The following DDR2 variants were observed in gnomAD, a reference collection of about 807,000 sequenced individuals.
DDR2 encodes the protein discoidin domain-containing receptor 2.
In DDR2, 27 loss-of-function variants were observed where a neutral mutation model predicts 94.9. The ratio of observed to expected loss-of-function variants is 0.28; its 90% CI spans 0.21 to 0.39. The LOEUF is 0.39. DDR2 is among the 10% of genes least tolerant of loss of function. DDR2 has a pLI of 1.00. For missense variants in DDR2, 783 were observed against 1,076.0 expected, an observed-to-expected ratio of 0.73 and a Z score of 3.81; for synonymous variants, 382 against 377.2, an observed-to-expected ratio of 1.01 and a Z score of -0.15.
intron 1 of DDR2, among the ~76,000 whole-genome samples, chr1:162,640,283 G>GC (rs368420680): frequency 3.8e-4 from 58 of 152,138 alleles, no homozygotes; most frequent in African/African-American, 7.5e-4. Context: ...CTCATGATCT[G>GC]CCCCCCTCAG....
At chr1:162,763,757 G>A (rs2102163097) in intron 9 of DDR2, among the ~76,000 whole-genome samples, 1 of 152,108 alleles carries the variant, frequency 6.6e-6, no homozygotes, top group East Asian at 1.9e-4. Flanking sequence ...GTGGAAGAAA[G>A]CAATGAAATA....
chr1:162,695,652 G>A (rs902886954), intron 2 of DDR2, among the ~76,000 whole-genome samples: 4 of 152,192 alleles, frequency 2.6e-5, no homozygotes, highest in African/African-American at 9.6e-5. Flanking sequence ...GGGATGTGGA[G>A]CACTGTGCCA....
chr1:162,729,292 A>T (rs1234883163), intron 3 of DDR2, among the ~76,000 whole-genome samples: 19 of 23,820 alleles, frequency 8.0e-4, no homozygotes, highest in Admixed American at 1.2e-3. Flanking sequence ...ATATATATAT[A>T]TATATATATT....
chr1:162,764,686 G>A (rs1342924228), intron 9 of DDR2, among the ~76,000 whole-genome samples: 1 of 152,046 alleles, frequency 6.6e-6, no homozygotes, highest in African/African-American at 2.4e-5. Flanking sequence ...AATTAGCTGG[G>A]TGTGGTGGCA....
intron 2 of DDR2, among the ~76,000 whole-genome samples, chr1:162,684,994 C>T (rs1659618371): frequency 6.6e-6 from 1 of 152,070 alleles, no homozygotes; most frequent in South Asian, 2.1e-4. Flanking sequence ...AGAACTTTTC[C>T]CTCTCGGGCT....
chr1:162,703,133 A>G (rs1360227891), intron 2 of DDR2, among the ~76,000 whole-genome samples: 1 of 152,218 alleles, frequency 6.6e-6, no homozygotes, highest in Non-Finnish European at 1.5e-5. Context: ...TAGAGAGTAT[A>G]TGCAGTTTGT....
intron 2 of DDR2, among the ~76,000 whole-genome samples, chr1:162,707,671 G>A (rs1403284185): frequency 6.6e-6 from 1 of 152,160 alleles, no homozygotes; most frequent in East Asian, 1.9e-4. Context: ...TTTTGTTGTT[G>A]TTGTGTTGCC....
At chr1:162,667,203 C>A (rs1658625648) in intron 2 of DDR2, among the ~76,000 whole-genome samples, 1 of 152,110 alleles carries the variant, frequency 6.6e-6, no homozygotes, top group African/African-American at 2.4e-5. Flanking sequence ...CTTCCTTGTA[C>A]ATCTATATCT....
At chr1:162,696,802 C>A (rs565299743) in intron 2 of DDR2, among the ~76,000 whole-genome samples, 1 of 152,218 alleles carries the variant, frequency 6.6e-6, no homozygotes, top group East Asian at 1.9e-4. Context: ...TTCTTCCCTG[C>A]CCCCGCTGTC....
intron 16 of DDR2, chr1:162,777,593 G>C (rs1427777065): frequency 6.6e-6 from 1 of 152,138 alleles, no homozygotes; most frequent in African/African-American, 2.4e-5. Flanking sequence ...ATTATATGGT[G>C]TTCAAAACAA....
chr1:162,756,688 T>A (rs1206037354), intron 7 of DDR2, among the ~76,000 whole-genome samples: 1 of 152,100 alleles, frequency 6.6e-6, no homozygotes, highest in Non-Finnish European at 1.5e-5. Flanking sequence ...CTGGCTTAGG[T>A]GTGGAGAATG....
At chr1:162,757,353 G>A (rs944165698) in intron 7 of DDR2, among the ~76,000 whole-genome samples, 3 of 152,180 alleles carry the variant, frequency 2.0e-5, no homozygotes, top group African/African-American at 7.2e-5. Context: ...TACTTTCACA[G>A]GTGCAGAATC....
intron 1 of DDR2, among the ~76,000 whole-genome samples, chr1:162,639,791 C>T (rs1417471557): frequency 2.0e-5 from 3 of 152,302 alleles, no homozygotes; most frequent in Non-Finnish European, 2.9e-5. Context: ...AAGTGATACT[C>T]ATTCAGTAGA....
chr1:162,768,962 G>T (rs1332306714), intron 11 of DDR2, among the ~76,000 whole-genome samples: 1 of 152,214 alleles, frequency 6.6e-6, no homozygotes, highest in Non-Finnish European at 1.5e-5. Flanking sequence ...GAGGGTGGTG[G>T]TGAACTGAAG....
chr1:162,681,316 A>C (rs1415549556), intron 2 of DDR2, among the ~76,000 whole-genome samples: 2 of 151,926 alleles, frequency 1.3e-5, no homozygotes, highest in Non-Finnish European at 2.9e-5. Context: ...ATTGATTGAG[A>C]GTCTTTTGAA....
intron 16 of DDR2, among the ~76,000 whole-genome samples, chr1:162,776,883 C>T (rs930361248): frequency 4.6e-5 from 7 of 152,018 alleles, no homozygotes; most frequent in African/African-American, 1.4e-4. Flanking sequence ...CCAAATATCT[C>T]TATTAGAGGT....
At chr1:162,740,761 C>T (rs956151860) in intron 3 of DDR2, among the ~76,000 whole-genome samples, 3 of 152,132 alleles carry the variant, frequency 2.0e-5, no homozygotes, top group Admixed American at 1.3e-4. Context: ...AATTGCTTAA[C>T]GAATTATTTA....
chr1:162,695,160 C>T (rs941692496), intron 2 of DDR2, among the ~76,000 whole-genome samples: 1 of 152,138 alleles, frequency 6.6e-6, no homozygotes, highest in Admixed American at 6.5e-5. Context: ...TTATTACAGT[C>T]CCTTCATATA....
At position 162,772,156 on chromosome 1, in the gene DDR2, A is replaced by G; in HGVS notation, c.1637A>G (p.Asp546Gly). ...NTYSVPAVTM[D>G]LLSGKDVAVE... ...TACTCAGTGCCTGCCGTCACCATGG[A>G]CCTGCTCTCAGGAAAAGATGTGGCT... The change falls in exon 13 of 18, where the codon GAC becomes GGC. Residue 546 changes from aspartate (D) to glycine (G), a missense_variant. Physicochemically the swap from Asp to Gly is moderately conservative, Grantham distance 94 (BLOSUM62 -1). Around this residue, in one of 2 missense-constraint regions of DDR2, gnomAD observed 264 missense variants for 428.2 expected, o/e 0.62. Transcript: ENST00000367921. 6.2e-7 allele frequency: 1 copy of G among 1,614,198 alleles called. No homozygotes were observed. Among genetic ancestry groups the G allele is most frequent in the Non-Finnish European group, 8.5e-7 (1 of 1,180,028 alleles).
Sources: gnomAD v4.1 joint callset for allele counts (sites outside exome capture counted in the v4.1 genomes callset) on GRCh38, gnomAD v4.1.1 for gene constraint, gnomAD v4.1.1 regional missense constraint, MANE v1.5 for transcripts, NCBI Gene and HGNC (gene_info 2026-07-23, HGNC 2026-07-21) for gene names.